The following HS3ST2 variants were observed in gnomAD, a reference collection of about 807,000 sequenced individuals.
HS3ST2 encodes the protein heparan sulfate glucosamine 3-O-sulfotransferase 2.
In HS3ST2, 17 loss-of-function variants were observed where a neutral mutation model predicts 26.3. That is an observed-to-expected ratio of 0.65 (90% CI 0.44 to 0.97). The LOEUF is 0.97. Among genes scored for constraint, HS3ST2 ranks in the 50% least tolerant of loss-of-function variants. The pLI is 0.00. For missense variants in HS3ST2, 402 were observed against 501.2 expected (o/e 0.80, Z 1.89); for synonymous variants, 237 against 219.2 (o/e 1.08, Z -0.72).
intron 1 of HS3ST2, among the ~76,000 whole-genome samples, chr16:22,864,390 C>G (rs932455672): frequency 2.0e-5 from 3 of 152,180 alleles, no homozygotes; most frequent in African/African-American, 7.2e-5. Context: ...AGAACTGTAC[C>G]TGGGAACCAA....
chr16:22,902,233 A>G (rs1902289755), intron 1 of HS3ST2, among the ~76,000 whole-genome samples: 1 of 152,248 alleles, frequency 6.6e-6, no homozygotes, highest in African/African-American at 2.4e-5. Flanking sequence ...CAGCCAGATC[A>G]TAATCTATCA....
chr16:22,817,297 C>T (rs1291572415), intron 1 of HS3ST2, among the ~76,000 whole-genome samples: 2 of 152,136 alleles, frequency 1.3e-5, no homozygotes, highest in Admixed American at 6.5e-5. Context: ...TGCCCTCTCC[C>T]CATTGCTTGA....
intron 1 of HS3ST2, among the ~76,000 whole-genome samples, chr16:22,846,797 TG>T (rs66891551): frequency 1.3e-3 from 198 of 151,550 alleles, no homozygotes; most frequent in Non-Finnish European, 2.0e-3. Flanking sequence ...TAAACCTTAA[TG>T]TAAAAAAAAA....
At chr16:22,868,134 A>G (rs137885614) in intron 1 of HS3ST2, among the ~76,000 whole-genome samples, 4,767 of 152,240 alleles carry the variant, frequency 0.031, 73 homozygotes, top group Middle Eastern at 0.065. Flanking sequence ...TAGGCTGGGC[A>G]TGGTGGCCCA....
Position 22,814,806 on chromosome 16 carries a change from C to T in HS3ST2, c.196C>T (p.Leu66Phe). 2 of 1,587,066 alleles carry T rather than the reference C, an allele frequency of 1.3e-6. No individual in the cohort carries two copies. The highest frequency in any genetic ancestry group is 2.3e-5 in the South Asian group (2 of 87,870). Residue 66 changes from leucine to phenylalanine, a missense_variant, in exon 1 of 2, where the codon CTT (leucine) becomes TTT (phenylalanine). By Grantham distance (22) the Leu-to-Phe change is conservative. Around this residue, in one of 2 missense-constraint regions of HS3ST2, gnomAD observed 165 missense variants for 154.6 expected, o/e 1.07. Transcript: ENST00000261374. ...LRGPSAGGQK[L>F]LQKSRPCDPS... ...CGGCCCCAGCGCGGGCGGCCAGAAA[C>T]TTCTCCAGAAGTCCCGCCCCTGTGA...
intron 1 of HS3ST2, among the ~76,000 whole-genome samples, chr16:22,904,825 G>C (rs1480982617): frequency 6.6e-6 from 1 of 152,156 alleles, no homozygotes; most frequent in Admixed American, 6.5e-5. Flanking sequence ...AGACTTAGTG[G>C]CCTGCTCCAG....
rs1178147579 is a variant in HS3ST2 at position 22,814,495 on chromosome 16, G to T, written c.-116G>T. 18 of 1,249,116 alleles carry T rather than the reference G, an allele frequency of 1.4e-5. No homozygotes were observed. The highest frequency in any genetic ancestry group is 1.9e-5 in the Non-Finnish European group (18 of 954,208). The allele number at this position is 1,249,116 out of a possible 1,614,324, so 77.4% of individuals were successfully genotyped here. On this transcript the variant is annotated 5_prime_UTR_variant, in exon 1 of 2. Transcript: ENST00000261374. ...GGAGAAGACGGCGCCCCCAACGCCC[G>T]ACCCGCGTGGCCGTGGCAGCGCCAC...
At chr16:22,846,409 C>T (rs1306354829) in intron 1 of HS3ST2, among the ~76,000 whole-genome samples, 2 of 152,132 alleles carry the variant, frequency 1.3e-5, no homozygotes, top group African/African-American at 4.8e-5. Context: ...TAATGCCTCC[C>T]TTGTTATATT....
Position 22,843,155 on chromosome 16 carries a change from T to C in HS3ST2, c.485+28060T>C, listed in dbSNP as rs115106059. 1.3e-3 allele frequency among the ~76,000 whole-genome samples: 192 copies of C among 145,894 alleles called. 1 individual carries two copies. The highest frequency in any genetic ancestry group is 4.8e-3 in the African/African-American group (184 of 38,440). On this transcript the variant is annotated intron_variant, in intron 1 of 1. Transcript: ENST00000261374. Reference sequence around the variant, plus strand: ...TAAGAACTCTGTGACTAGATGTATGTATGTGTGTGTGTGTGTGTGTGAACA... The same window carrying C: ...TAAGAACTCTGTGACTAGATGTATGCATGTGTGTGTGTGTGTGTGTGAACA...
chr16:22,877,947 T>TG (rs1901941439), intron 1 of HS3ST2, among the ~76,000 whole-genome samples: 1 of 152,204 alleles, frequency 6.6e-6, no homozygotes, highest in African/African-American at 2.4e-5. Flanking sequence ...ATGCTGGTGC[T>TG]GATACCTGAA....
chr16:22,837,380 A>T (rs1289541590), intron 1 of HS3ST2, among the ~76,000 whole-genome samples: 1 of 151,754 alleles, frequency 6.6e-6, no homozygotes, highest in Non-Finnish European at 1.5e-5. Flanking sequence ...CCACCTTGAT[A>T]TTGCAGTAGT....
chr16:22,906,643 G>T (rs939763136), intron 1 of HS3ST2, among the ~76,000 whole-genome samples: 6 of 152,232 alleles, frequency 3.9e-5, no homozygotes, highest in African/African-American at 1.4e-4. Context: ...AAGTTTGGTG[G>T]AAGTAGAGCT....
chr16:22,856,329 T>C (rs1253367346), intron 1 of HS3ST2, among the ~76,000 whole-genome samples: 1 of 152,232 alleles, frequency 6.6e-6, no homozygotes, highest in African/African-American at 2.4e-5. Context: ...AAATGTGCCA[T>C]GTAGACTGGT....
chr16:22,830,221 C>T (rs1339870246), intron 1 of HS3ST2, among the ~76,000 whole-genome samples: 1 of 152,098 alleles, frequency 6.6e-6, no homozygotes, highest in East Asian at 1.9e-4. Flanking sequence ...ATTCAGAACA[C>T]CAAGAGAAGA....
chr16:22,878,808 T>A (rs749027710), intron 1 of HS3ST2, among the ~76,000 whole-genome samples: 3 of 151,762 alleles, frequency 2.0e-5, no homozygotes, highest in Non-Finnish European at 4.4e-5. Context: ...TGTGGATATC[T>A]GAGGGAAGCA....
intron 1 of HS3ST2, among the ~76,000 whole-genome samples, chr16:22,859,004 A>G (rs1901640400): frequency 6.6e-6 from 1 of 152,124 alleles, no homozygotes; most frequent in African/African-American, 2.4e-5. Flanking sequence ...TGTCTCTACA[A>G]AAAATTAAGA....
intron 1 of HS3ST2, among the ~76,000 whole-genome samples, chr16:22,898,654 A>G (rs762862375): frequency 3.9e-5 from 6 of 152,174 alleles, no homozygotes; most frequent in Non-Finnish European, 7.3e-5. Context: ...GCAGAGCTGG[A>G]CCATTCTATA....
intron 1 of HS3ST2, among the ~76,000 whole-genome samples, chr16:22,845,399 T>C (rs1252853684): frequency 6.9e-6 from 1 of 145,096 alleles, no homozygotes; most frequent in Non-Finnish European, 1.5e-5. Context: ...TCACCCAGGC[T>C]GGAGTGCAAT....
intron 1 of HS3ST2, among the ~76,000 whole-genome samples, chr16:22,831,592 C>CG: frequency 8.4e-6 from 1 of 119,526 alleles, no homozygotes; most frequent in Non-Finnish European, 1.7e-5. Context: ...AGGGCTAACC[C>CG]ATTTTTTTTT....
Sources: gnomAD v4.1 joint callset for allele counts (sites outside exome capture counted in the v4.1 genomes callset) on GRCh38, gnomAD v4.1.1 for gene constraint, gnomAD v4.1.1 regional missense constraint, MANE v1.5 for transcripts, NCBI Gene and HGNC (gene_info 2026-07-23, HGNC 2026-07-21) for gene names.